The following SPTLC3 variants were observed in gnomAD, a reference collection of about 807,000 sequenced individuals.
SPTLC3 encodes serine palmitoyltransferase long chain base subunit 3.
Under a neutral mutation model 59.3 loss-of-function variants are expected in SPTLC3, and 36 were observed. The ratio of observed to expected loss-of-function variants is 0.61; its 90% CI spans 0.47 to 0.80. The LOEUF is 0.80. Ranked by LOEUF, SPTLC3 falls within the 30% of genes least tolerant of loss-of-function variation. SPTLC3 has a pLI of 0.00. For missense variants in SPTLC3, 625 were observed against 685.1 expected (o/e 0.91, Z 0.98); for synonymous variants, 257 against 240.8 (o/e 1.07, Z -0.62).
chr20:13,039,585 T>C (rs1353578485), intron 1 of SPTLC3, among the ~76,000 whole-genome samples: 1 of 152,112 alleles, frequency 6.6e-6, no homozygotes, highest in East Asian at 1.9e-4. Flanking sequence ...TGTACTTGAT[T>C]GGGTCATTTC....
chr20:13,114,653 C>T (rs2122726043), intron 7 of SPTLC3, among the ~76,000 whole-genome samples: 1 of 152,272 alleles, frequency 6.6e-6, no homozygotes, highest in South Asian at 2.1e-4. Context: ...ACCTGTATCT[C>T]TATGGTTTAA....
Position 13,074,470 on chromosome 20 carries a change from G to A in SPTLC3, c.580G>A (p.Gly194Ser), listed in dbSNP as rs749668750. 6.2e-7 allele frequency: 1 copy of A among 1,613,790 alleles called. No homozygotes were observed. Among genetic ancestry groups the A allele is most frequent in the African/African-American group, 1.3e-5 (1 of 74,906 alleles). The change falls in exon 4 of 12, where the codon GGC becomes AGC. Residue 194 changes from glycine (G) to serine (S), a missense_variant. Coordinates refer to ENST00000399002, the MANE Select transcript of SPTLC3 (RefSeq NM_018327.4). ...GGATGTTTTAGAGGTGTATGGCACA[G>A]GCGTGGCCAGCACCAGGCATGAAAT... is the stretch of plus-strand genomic sequence containing the variant. ...IKDVLEVYGTGVASTRHEMGT... is the reference protein window; with the variant it reads ...IKDVLEVYGTSVASTRHEMGT...
chr20:13,111,156 C>G (rs140326099), intron 7 of SPTLC3, among the ~76,000 whole-genome samples: 1 of 152,108 alleles, frequency 6.6e-6, no homozygotes, highest in Admixed American at 6.5e-5. Flanking sequence ...AACTCCAGTA[C>G]TTCTGCCCCC....
chr20:13,129,114 G>A (rs1198056251), intron 9 of SPTLC3, among the ~76,000 whole-genome samples: 1 of 152,058 alleles, frequency 6.6e-6, no homozygotes, highest in East Asian at 1.9e-4. Flanking sequence ...TGATCTGCCT[G>A]CCTCGGCCTC....
chr20:13,148,873 G>C (rs901373883), intron 9 of SPTLC3, among the ~76,000 whole-genome samples: 2 of 152,158 alleles, frequency 1.3e-5, no homozygotes, highest in African/African-American at 4.8e-5. Context: ...AGCAGAAAAT[G>C]GCAATTCCCC....
At chr20:13,147,387 G>A (rs900371088) in intron 9 of SPTLC3, among the ~76,000 whole-genome samples, 1 of 151,996 alleles carries the variant, frequency 6.6e-6, no homozygotes, top group East Asian at 1.9e-4. Context: ...GATCTTTACC[G>A]AGATCTCTCT....
At chr20:13,021,374 G>A (rs538194425) in intron 1 of SPTLC3, among the ~76,000 whole-genome samples, 2 of 152,214 alleles carry the variant, frequency 1.3e-5, no homozygotes, top group African/African-American at 4.8e-5. Flanking sequence ...TCTTCAAAGG[G>A]TTAACTTGTT....
chr20:13,064,155 G>A (rs1015484733), intron 2 of SPTLC3, among the ~76,000 whole-genome samples: 3 of 147,840 alleles, frequency 2.0e-5, no homozygotes, highest in Non-Finnish European at 3.0e-5. Context: ...TCAGCCTTCC[G>A]AGTAGCTGGG....
intron 11 of SPTLC3, among the ~76,000 whole-genome samples, chr20:13,160,690 T>C (rs2038878347): frequency 6.6e-6 from 1 of 152,050 alleles, no homozygotes; most frequent in South Asian, 2.1e-4. Flanking sequence ...ATGGGAAGAG[T>C]CACATAACAT....
At chr20:13,039,322 T>C (rs1986873661) in intron 1 of SPTLC3, among the ~76,000 whole-genome samples, 1 of 152,108 alleles carries the variant, frequency 6.6e-6, no homozygotes, top group African/African-American at 2.4e-5. Flanking sequence ...ATGTTTATTA[T>C]TGTTACATCT....
intron 1 of SPTLC3, among the ~76,000 whole-genome samples, chr20:13,036,916 G>A (rs6033587): frequency 0.14 from 21,358 of 152,072 alleles, 2,258 homozygotes; most frequent in African/African-American, 0.3. Context: ...TGGGTAGATT[G>A]AAATGAGGCT....
intron 1 of SPTLC3, among the ~76,000 whole-genome samples, chr20:13,026,526 T>C (rs1986153504): frequency 6.6e-6 from 1 of 152,198 alleles, no homozygotes; most frequent in African/African-American, 2.4e-5. Context: ...ATGTCTTCTT[T>C]TGAGAAGTGT....
rs1380211884 is a variant in SPTLC3, at chr20:13,072,378, G to A, written c.426G>A (p.Glu142=). ...CAGGGCCTCTGTTTGATTTGATGGA[G>A]AGGGTATCAGACGACTATAACTGGA... is the stretch of plus-strand genomic sequence containing the variant. ...SAPGPLFDLM[E]RVSDDYNWTF... The change falls in exon 3 of 12, where the codon GAG becomes GAA. Residue 142 remains glutamate (E), a synonymous_variant. Coordinates refer to ENST00000399002, the MANE Select transcript of SPTLC3 (RefSeq NM_018327.4). 1 of 1,609,880 alleles carries A rather than the reference G, an allele frequency of 6.2e-7. No homozygotes were observed. The highest frequency in any genetic ancestry group is 2.2e-5 in the East Asian group (1 of 44,818).
chr20:13,024,741 C>T (rs564683000), intron 1 of SPTLC3, among the ~76,000 whole-genome samples: 16 of 152,110 alleles, frequency 1.1e-4, no homozygotes, highest in African/African-American at 2.9e-4. Flanking sequence ...CATCTAATGA[C>T]GTAAAGGAAG....
intron 9 of SPTLC3, among the ~76,000 whole-genome samples, chr20:13,136,604 C>CAT (rs113062136): frequency 6.5e-4 from 89 of 136,058 alleles, no homozygotes; most frequent in Middle Eastern, 4.0e-3. Context: ...CATCTAAAAA[C>CAT]ATATATATAT....
intron 4 of SPTLC3, among the ~76,000 whole-genome samples, chr20:13,085,679 T>C (rs994822131): frequency 6.6e-6 from 1 of 152,210 alleles, no homozygotes; most frequent in Non-Finnish European, 1.5e-5. Flanking sequence ...CAAATGTCAA[T>C]ATGTAGGCCA....
intron 9 of SPTLC3, among the ~76,000 whole-genome samples, chr20:13,151,865 A>T (rs2038656231): frequency 6.6e-6 from 1 of 152,084 alleles, no homozygotes; most frequent in Non-Finnish European, 1.5e-5. Flanking sequence ...CTCTACCTAA[A>T]GTGAAGGGGG....
intron 1 of SPTLC3, among the ~76,000 whole-genome samples, chr20:13,030,619 C>G (rs1986392193): frequency 6.6e-6 from 1 of 152,192 alleles, no homozygotes; most frequent in East Asian, 1.9e-4. Context: ...TTTACTGGAC[C>G]CCTGTTACAT....
chr20:13,071,731 T>C (rs909711859), intron 2 of SPTLC3, among the ~76,000 whole-genome samples: 7 of 152,178 alleles, frequency 4.6e-5, no homozygotes, highest in South Asian at 2.1e-4. Flanking sequence ...AACTCAGCGT[T>C]CTTACCTCAG....
Sources: allele counts gnomAD v4.1 joint callset (sites outside exome capture counted in the v4.1 genomes callset), GRCh38; gene constraint gnomAD v4.1.1; transcripts MANE v1.5; gene names NCBI Gene and HGNC (gene_info 2026-07-23, HGNC 2026-07-21).